The following ZMYM1 variants were observed in gnomAD, a reference collection of about 807,000 sequenced individuals.
The protein encoded by ZMYM1 is zinc finger MYM-type protein 1.
In ZMYM1, 39 loss-of-function variants were observed where a neutral mutation model predicts 60.0. That is an observed-to-expected ratio of 0.65 (90% CI 0.50 to 0.85). The LOEUF (loss-of-function observed/expected upper bound fraction) is 0.85. ZMYM1 is among the 40% of genes least tolerant of loss of function. ZMYM1 has a pLI of 0.00. For missense variants in ZMYM1, 1,171 were observed against 1,309.5 expected, an observed-to-expected ratio of 0.89 and a Z score of 1.63; for synonymous variants, 413 against 454.0, an observed-to-expected ratio of 0.91 and a Z score of 1.15.
upstream of ZMYM1, among the ~76,000 whole-genome samples, chr1:35,077,642 C>T (rs891860925): frequency 1.3e-5 from 2 of 152,036 alleles, no homozygotes; most frequent in Admixed American, 6.6e-5. Context: ...GATCTTGTGG[C>T]CCCCACCAGG....
chr1:35,086,928 C>T (rs1642685756), intron 1 of ZMYM1, among the ~76,000 whole-genome samples: 1 of 151,578 alleles, frequency 6.6e-6, no homozygotes, highest in Non-Finnish European at 1.5e-5. Context: ...TGTGATCCAC[C>T]CACCTCAGCC....
chr1:35,074,653 C>A (rs981987351), upstream of ZMYM1, among the ~76,000 whole-genome samples: 1 of 151,962 alleles, frequency 6.6e-6, no homozygotes, highest in Non-Finnish European at 1.5e-5. Flanking sequence ...GTGATCCACC[C>A]GCCTCAGCCT....
chr1:35,067,151 G>A (rs549231371), intron 1 of ZMYM1, among the ~76,000 whole-genome samples: 4 of 150,200 alleles, frequency 2.7e-5, no homozygotes, highest in Non-Finnish European at 4.4e-5. Flanking sequence ...GCTAATTTTT[G>A]TATTTTTAGT....
intron 1 of ZMYM1, among the ~76,000 whole-genome samples, chr1:35,088,434 G>GTGTATATA (rs1340110928): frequency 2.1e-4 from 14 of 68,056 alleles, no homozygotes; most frequent in Non-Finnish European, 4.0e-4. Context: ...GTGTTTATGT[G>GTGTATATA]TATATATATA....
At chr1:35,110,955 T>C (rs1644067081) in intron 7 of ZMYM1, among the ~76,000 whole-genome samples, 1 of 151,990 alleles carries the variant, frequency 6.6e-6, no homozygotes, top group Non-Finnish European at 1.5e-5. Flanking sequence ...TAATAAAAAT[T>C]AAAAGATACA....
At chr1:35,072,667 G>A (rs1042879092) in intron 1 of ZMYM1, among the ~76,000 whole-genome samples, 2 of 151,964 alleles carry the variant, frequency 1.3e-5, no homozygotes, top group African/African-American at 2.4e-5. Flanking sequence ...TTTCTTCTTG[G>A]CCAGGCGTGG....
chr1:35,086,539 A>G (rs1642663103), intron 1 of ZMYM1, among the ~76,000 whole-genome samples: 1 of 152,190 alleles, frequency 6.6e-6, no homozygotes, highest in South Asian at 2.1e-4. Context: ...AATCTGTAGC[A>G]GTAAAAAAAA....
At chr1:35,084,806 T>C (rs1642571396) in intron 1 of ZMYM1, among the ~76,000 whole-genome samples, 1 of 152,156 alleles carries the variant, frequency 6.6e-6, no homozygotes, top group African/African-American at 2.4e-5. Flanking sequence ...GAGATTTCTA[T>C]GCATATTATT....
At position 35,101,131 on chromosome 1, in the gene ZMYM1, C is replaced by T. The variant is rs1338225005; in HGVS notation, c.420-3164C>T. Among the ~76,000 whole-genome samples, 74 of 105,402 alleles carry T rather than the reference C, an allele frequency of 7.0e-4. 1 individual carries two copies. Among genetic ancestry groups the T allele is most frequent in the Non-Finnish European group, 2.0e-4 (10 of 51,132 alleles). The allele number at this position is 105,402 out of a possible 152,430, so 69.1% of individuals were successfully genotyped here. On this transcript the variant is annotated intron_variant, in intron 4 of 9. Coordinates refer to ENST00000359858, the MANE Select transcript of ZMYM1 (RefSeq NM_024772.5). ...ATTCTTTTTTTTTTTTTTTTTGAGG[C>T]GGAGTCTCACCGTTTTGCCCAGGCT... is the stretch of plus-strand genomic sequence containing the variant.
At chr1:35,109,619 G>A (rs1036645151) in intron 6 of ZMYM1, among the ~76,000 whole-genome samples, 5 of 152,090 alleles carry the variant, frequency 3.3e-5, no homozygotes, top group East Asian at 1.9e-4. Flanking sequence ...CCTCAGCATC[G>A]GTAGACATCT....
chr1:35,060,792 G>A (rs1569829859), intron 1 of ZMYM1, among the ~76,000 whole-genome samples: 1 of 152,188 alleles, frequency 6.6e-6, no homozygotes, highest in Non-Finnish European at 1.5e-5. Context: ...CAGCCAACCA[G>A]CCAGCCTTTG....
Position 35,073,373 on chromosome 1 carries a change from G to GGAAA in ZMYM1, c.-300-5615_-300-5612dup, listed in dbSNP as rs1557626685. Among the ~76,000 whole-genome samples, 342 of 144,756 alleles carry GGAAA rather than the reference G, an allele frequency of 2.4e-3. 6 individuals are homozygous for GGAAA. Among genetic ancestry groups the GGAAA allele is most frequent in the African/African-American group, 8.1e-3 (313 of 38,790 alleles). 95.0% of individuals were successfully genotyped at this position (144,756 alleles called of 152,430 possible). ...AGGAAGGAAGGAAGGAAGGAAGGAAGGAAAGAAAGGAAAGAAAGGAAGAGA... is the reference window on the plus strand; with the variant it reads ...AGGAAGGAAGGAAGGAAGGAAGGAAGGAAAGAAAGAAAGGAAAGAAAGGAAGAGA... On this transcript the variant is annotated intron_variant, in intron 1 of 10. Coordinates refer to the ZMYM1 transcript ENST00000417119.
chr1:35,105,842 G>A (rs1643876380), intron 6 of ZMYM1, among the ~76,000 whole-genome samples: 1 of 152,068 alleles, frequency 6.6e-6, no homozygotes, highest in Admixed American at 6.6e-5. Context: ...CCTGAACTCA[G>A]CTGATCCTCC....
intron 4 of ZMYM1, among the ~76,000 whole-genome samples, chr1:35,099,437 AG>A (rs1643519199): frequency 6.6e-6 from 1 of 152,202 alleles, no homozygotes; most frequent in Non-Finnish European, 1.5e-5. Context: ...GAAGCAGGAA[AG>A]ATTTAGTGTG....
In ZMYM1 at chr1:35,114,622, A is replaced by G; in HGVS notation, c.2792A>G (p.Glu931Gly). The G allele has an allele frequency of 6.2e-7, 1 of 1,607,582 alleles. No homozygotes were observed. ...ATAACCTGTAAAGGTTTTAAAGTTG[A>G]AAAACCTTCTCTTCAGAAAAGAAGA... ...QKITCKGFKV[E>G]KPSLQKRRKI... The change falls in exon 10 of 10, where the codon GAA (glutamate) becomes GGA (glycine). Residue 931 changes from glutamate (E) to glycine (G), a missense_variant. Transcript: ENST00000359858.
chr1:35,113,678 A>C lies in ZMYM1; in HGVS notation c.1848A>C (p.Gln616His). 1.9e-6 allele frequency: 3 copies of C among 1,613,630 alleles called. No homozygotes were observed. The highest frequency in any genetic ancestry group is 2.5e-6 in the Non-Finnish European group (3 of 1,179,802). Reference protein sequence around the residue: ...NSQVDFYNSTQIQSDIIEIIK... With the variant: ...NSQVDFYNSTHIQSDIIEIIK... ...AAGTTGACTTCTATAACAGTACACA[A>C]ATTCAAAGTGATATTATCGAAATAA... The change falls in exon 10 of 10, where the codon CAA becomes CAC. Residue 616 changes from glutamine to histidine, a missense_variant. Gln to His is a conservative substitution (Grantham distance 24). Coordinates refer to ENST00000359858, the MANE Select transcript of ZMYM1 (RefSeq NM_024772.5).
chr1:35,095,749 GT>G, intron 2 of ZMYM1, 69 bp from the exon 3 acceptor site: 3 of 1,285,430 alleles, frequency 2.3e-6, no homozygotes, highest in Non-Finnish European at 3.2e-6. Context: ...ATCATTTTCT[GT>G]TGAATGACTG....
Position 35,113,570 on chromosome 1 carries a change from T to C in ZMYM1, c.1740T>C (p.Ser580=). Residue 580 remains serine, a synonymous_variant, in exon 10 of 10, where the codon TCT becomes TCC. Coordinates refer to ENST00000359858, the MANE Select transcript of ZMYM1 (RefSeq NM_024772.5). ...GAGGAAACGACCAGTCAGTTTCATC[T>C]GTGAATAAAGGCAATTTTTTAGAAT... ...PLRGNDQSVS[S]VNKGNFLELL... is the part of the protein sequence containing the mutation. The C allele has an allele frequency of 3.1e-6, 5 of 1,613,788 alleles. No individual in the cohort carries two copies. Among genetic ancestry groups the C allele is most frequent in the Non-Finnish European group, 4.2e-6 (5 of 1,179,900 alleles).
chr1:35,112,958 T>G lies in ZMYM1; in HGVS notation c.1147-19T>G. 2.0e-6 allele frequency: 3 copies of G among 1,504,864 alleles called. No homozygotes were observed. The East Asian group carries it at 7.0e-5, about 35-fold the overall frequency. The allele number at this position is 1,504,864 out of a possible 1,614,324, so 93.2% of individuals were successfully genotyped here. ...TTTTTGAAAACTGTTAAATGTTCTT[T>G]TCTCATTTTCTCCCAAAGCTTTCTA... On this transcript the variant is annotated intron_variant, in intron 9 of 9. Transcript: ENST00000359858.
Sources: gnomAD v4.1 joint callset for allele counts (sites outside exome capture counted in the v4.1 genomes callset) on GRCh38, gnomAD v4.1.1 for gene constraint, MANE v1.5 for transcripts, NCBI Gene and HGNC (gene_info 2026-07-23, HGNC 2026-07-21) for gene names.